Variants in LRP1B observed in about 807,000 individuals in gnomAD.
LRP1B encodes the protein LDL receptor related protein 1B, also known as low-density lipoprotein receptor-related protein 1B.
In LRP1B, 217 loss-of-function variants were observed where a neutral mutation model predicts 556.6. The observed-to-expected ratio is 0.39, with a 90% CI of 0.35 to 0.44. LRP1B has a LOEUF of 0.44. Among genes scored for constraint, LRP1B ranks in the 20% least tolerant of loss-of-function variants. The pLI is 1.00. For synonymous variants in LRP1B, 2,047 were observed against 1,865.8 expected (o/e 1.10, Z -2.50); for missense variants, 5,053 against 5,620.8 (o/e 0.90, Z 3.23).
At chr2:140,706,323 G>A (rs1415230941) in intron 37 of LRP1B, among the ~76,000 whole-genome samples, 2 of 152,126 alleles carry the variant, frequency 1.3e-5, no homozygotes, top group African/African-American at 4.8e-5. Context: ...TAGAGTATCA[G>A]ATGGGCACAT....
In LRP1B at chr2:140,681,805, T is replaced by C. The variant is rs114881173; in HGVS notation, c.6799+18445A>G. Among the ~76,000 whole-genome samples, 561 of 152,260 alleles carry C rather than the reference T, an allele frequency of 3.7e-3. 4 individuals are homozygous for C. Among genetic ancestry groups the C allele is most frequent in the African/African-American group, 0.013 (534 of 41,560 alleles). On this transcript the variant is annotated intron_variant, in intron 41 of 90. Transcript: ENST00000389484. ...GTTGGGATGATTCAAATCACGTTTC[T>C]ATCTTTACTACCAAATAAATTATTT...
At chr2:142,067,200 G>GTC (rs1278890751) in intron 1 of LRP1B, among the ~76,000 whole-genome samples, 1 of 151,438 alleles carries the variant, frequency 6.6e-6, no homozygotes, top group Admixed American at 6.6e-5. Flanking sequence ...TCCAGGATAA[G>GTC]TCTCTCTATC....
At chr2:141,280,116 G>C (rs1298757046) in intron 3 of LRP1B, among the ~76,000 whole-genome samples, 2 of 152,052 alleles carry the variant, frequency 1.3e-5, no homozygotes, top group Non-Finnish European at 2.9e-5. Flanking sequence ...TTAGGAATCT[G>C]AGCCACCTCT....
intron 3 of LRP1B, among the ~76,000 whole-genome samples, chr2:141,331,522 C>CTTTCTCTT (rs10694161): frequency 1.4e-5 from 2 of 140,824 alleles, no homozygotes; most frequent in African/African-American, 2.9e-5. Flanking sequence ...TTCTTTCTTT[C>CTTTCTCTT]TCTTTCTTTC....
At chr2:142,037,997 C>A (rs185788310) in intron 1 of LRP1B, among the ~76,000 whole-genome samples, 1 of 151,586 alleles carries the variant, frequency 6.6e-6, no homozygotes, top group Non-Finnish European at 1.5e-5. Context: ...ATCTGGAGTG[C>A]TCTTATGTTT....
intron 3 of LRP1B, among the ~76,000 whole-genome samples, chr2:141,423,290 C>CTTTTTTTTT (rs1176569388): frequency 1.5e-5 from 1 of 68,376 alleles, no homozygotes. Context: ...ACAGCCAGAG[C>CTTTTTTTTT]TTTTTTTTTT....
intron 3 of LRP1B, among the ~76,000 whole-genome samples, chr2:141,361,669 G>C (rs1333706672): frequency 6.6e-6 from 1 of 152,084 alleles, no homozygotes; most frequent in Non-Finnish European, 1.5e-5. Context: ...GCTAGTTGTA[G>C]GTGGGGAGTC....
intron 3 of LRP1B, among the ~76,000 whole-genome samples, chr2:141,420,628 G>A (rs556434230): frequency 9.8e-5 from 15 of 152,292 alleles, no homozygotes; most frequent in Non-Finnish European, 1.8e-4. Context: ...AGGCAGGTAA[G>A]ACATATTCTG....
chr2:141,098,237 TACTGGTATA>T (rs1366952457), intron 7 of LRP1B, among the ~76,000 whole-genome samples: 1 of 152,168 alleles, frequency 6.6e-6, no homozygotes, highest in African/African-American at 2.4e-5. Context: ...GTTGTAAAAA[TACTGGTATA>T]ACAGGAAAAT....
chr2:142,078,658 T>C (rs1705599394), intron 1 of LRP1B, among the ~76,000 whole-genome samples: 1 of 152,188 alleles, frequency 6.6e-6, no homozygotes, highest in South Asian at 2.1e-4. Context: ...TAACAAATAG[T>C]AGAGTCTAAG....
intron 10 of LRP1B, among the ~76,000 whole-genome samples, chr2:141,051,534 C>A (rs1225845332): frequency 6.6e-6 from 1 of 151,870 alleles, no homozygotes; most frequent in Non-Finnish European, 1.5e-5. Context: ...AAACTGATAA[C>A]ATATTTTAAT....
At chr2:141,156,669 TAGG>T (rs1702076223) in intron 7 of LRP1B, among the ~76,000 whole-genome samples, 1 of 149,002 alleles carries the variant, frequency 6.7e-6, no homozygotes, top group African/African-American at 2.5e-5. Context: ...GAGCAGGAAA[TAGG>T]AGTGTAGAAA....
At chr2:141,269,339 G>A (rs1158396000) in intron 3 of LRP1B, among the ~76,000 whole-genome samples, 2 of 152,110 alleles carry the variant, frequency 1.3e-5, no homozygotes, top group Admixed American at 6.6e-5. Context: ...CTGAAAAGTA[G>A]CAAAGATTTT....
chr2:140,939,210 A>C lies in LRP1B; in HGVS notation c.3136+11025T>G, dbSNP rs573894368. Among the ~76,000 whole-genome samples the C allele has an allele frequency of 5.3e-5, 8 of 152,220 alleles. No individual in the cohort carries two copies. The South Asian group carries it at 1.7e-3, about 32-fold the overall frequency. On this transcript the variant is annotated intron_variant, in intron 20 of 90. Transcript: ENST00000389484. ...TTACTATGCATTCCCAGTATCAAAT[A>C]TCATGCTTAACTGTAAAAGTACAAA...
At chr2:140,372,706 G>A (rs1333248059) in intron 69 of LRP1B, among the ~76,000 whole-genome samples, 1 of 151,986 alleles carries the variant, frequency 6.6e-6, no homozygotes. Flanking sequence ...AATTTCAACA[G>A]ATTTTACTTT....
intron 23 of LRP1B, among the ~76,000 whole-genome samples, chr2:140,889,563 C>T (rs544783128): frequency 1.3e-5 from 2 of 152,164 alleles, no homozygotes; most frequent in Non-Finnish European, 2.9e-5. Context: ...TCCTAAAGTG[C>T]TGGGATTACA....
At chr2:140,694,787 GA>G in intron 41 of LRP1B, among the ~76,000 whole-genome samples, 1 of 151,980 alleles carries the variant, frequency 6.6e-6, no homozygotes, top group Non-Finnish European at 1.5e-5. Context: ...TCTTATTAAT[GA>G]ATTAGCATCT....
At chr2:141,019,845 AACT>A (rs1269886399) in intron 12 of LRP1B, 74 bp downstream of exon 12, 3 of 1,081,918 alleles carry the variant, frequency 2.8e-6, no homozygotes, top group Non-Finnish European at 3.9e-6. Context: ...ATTTAAATAA[AACT>A]ATTATTAACT....
At chr2:141,038,641 G>A (rs1698607647) in intron 11 of LRP1B, among the ~76,000 whole-genome samples, 1 of 152,038 alleles carries the variant, frequency 6.6e-6, no homozygotes, top group African/African-American at 2.4e-5. Context: ...ACAATTTGAG[G>A]TAGTGCTTCC....
Sources: gnomAD v4.1 joint callset for allele counts (sites outside exome capture counted in the v4.1 genomes callset) on GRCh38, gnomAD v4.1.1 for gene constraint, MANE v1.5 for transcripts, NCBI Gene and HGNC (gene_info 2026-07-23, HGNC 2026-07-21) for gene names.